EFHD1: variants seen among roughly 807,000 people sequenced by gnomAD.
The protein encoded by EFHD1 is EF-hand domain-containing protein D1.
A neutral mutation model predicts 17.2 loss-of-function variants in EFHD1; 10 were observed. That is an observed-to-expected ratio of 0.58 (90% CI 0.36 to 0.99). The LOEUF (loss-of-function observed/expected upper bound fraction) is 0.99, where lower values mean the gene tolerates loss of function less well. Ranked by LOEUF, EFHD1 falls within the 50% of genes least tolerant of loss-of-function variation. The pLI is 0.01. For missense variants in EFHD1, 310 were observed against 327.5 expected (o/e 0.95, Z 0.41); for synonymous variants, 153 against 142.0 (o/e 1.08, Z -0.55).
chr2:232,652,786 AGAT>A (rs960770779), intron 1 of EFHD1, among the ~76,000 whole-genome samples: 15 of 152,054 alleles, frequency 9.9e-5, no homozygotes, highest in African/African-American at 3.6e-4. Context: ...TAGAATAGTG[AGAT>A]GATGAAGATG....
chr2:232,663,122 G>T (rs1694906340), intron 2 of EFHD1, among the ~76,000 whole-genome samples, 173 bp downstream of exon 2: 1 of 152,130 alleles, frequency 6.6e-6, no homozygotes, highest in South Asian at 2.1e-4. Context: ...CCCAGTGCTG[G>T]CCTGGAAAAA....
intron 1 of EFHD1, among the ~76,000 whole-genome samples, chr2:232,637,285 C>T (rs1356524850): frequency 7.9e-5 from 12 of 151,812 alleles, no homozygotes; most frequent in Admixed American, 7.2e-4. Context: ...GTAATCTCTG[C>T]CACCCTGAGC....
upstream of EFHD1, among the ~76,000 whole-genome samples, chr2:232,629,692 C>G (rs1042712926): frequency 6.6e-6 from 1 of 152,108 alleles, no homozygotes; most frequent in Non-Finnish European, 1.5e-5. Flanking sequence ...TGGTCTCGAA[C>G]TCCTGACCTC....
intron 1 of EFHD1, among the ~76,000 whole-genome samples, chr2:232,624,275 C>G (rs1410441355): frequency 6.6e-6 from 1 of 152,200 alleles, no homozygotes; most frequent in East Asian, 1.9e-4. Context: ...GGGGTGCTCC[C>G]TATCAAGTCC....
At chr2:232,610,112 C>T (rs1693784830) in intron 1 of EFHD1, among the ~76,000 whole-genome samples, 1 of 152,260 alleles carries the variant, frequency 6.6e-6, no homozygotes, top group East Asian at 1.9e-4. Flanking sequence ...CTTGTGGGTT[C>T]TCCAAAGCCC....
At chr2:232,661,080 G>C (rs190654738) in intron 1 of EFHD1, among the ~76,000 whole-genome samples, 1 of 151,848 alleles carries the variant, frequency 6.6e-6, no homozygotes, top group Non-Finnish European at 1.5e-5. Context: ...CCTGAGAGGC[G>C]GAGGTTGCAG....
intron 1 of EFHD1, among the ~76,000 whole-genome samples, chr2:232,647,052 C>T (rs1694543607): frequency 6.6e-6 from 1 of 152,244 alleles, no homozygotes; most frequent in Admixed American, 6.5e-5. Flanking sequence ...AGCCACTGAC[C>T]CACACGGGCA....
intron 1 of EFHD1, among the ~76,000 whole-genome samples, chr2:232,616,942 T>C (rs1422546292): frequency 6.6e-6 from 1 of 152,224 alleles, no homozygotes; most frequent in Non-Finnish European, 1.5e-5. Flanking sequence ...AAGGTTGCCC[T>C]TCTCTTGCAC....
At chr2:232,644,794 ATTTTTTT>A (rs746133158) in intron 1 of EFHD1, among the ~76,000 whole-genome samples, 1 of 123,818 alleles carries the variant, frequency 8.1e-6, no homozygotes, top group Non-Finnish European at 1.7e-5. Context: ...ACCTGGCCTA[ATTTTTTT>A]TTTTTTTTTT....
intron 3 of EFHD1, among the ~76,000 whole-genome samples, chr2:232,680,089 G>A (rs911560819): frequency 9.2e-5 from 14 of 151,990 alleles, no homozygotes; most frequent in Admixed American, 3.3e-4. Context: ...CCCGGGCAAC[G>A]TGGTAAAACC....
rs548659973 is a variant in EFHD1, at chr2:232,623,177, G to A, written c.14+17004G>A. On this transcript the variant is annotated intron_variant, in intron 1 of 3. Coordinates refer to the EFHD1 transcript ENST00000409613. ...TCCTCCTACTTTGGCCTCCCGAGTA[G>A]TTGGGACTACAGGTGTGTGCCACCA... Among the ~76,000 whole-genome samples the A allele has an allele frequency of 5.3e-5, 8 of 152,246 alleles. No individual in the cohort carries two copies. In the South Asian group the frequency reaches 1.7e-3, roughly 32 times the overall value.
At chr2:232,668,123 G>T (rs1346353708) in intron 2 of EFHD1, among the ~76,000 whole-genome samples, 1 of 152,134 alleles carries the variant, frequency 6.6e-6, no homozygotes, top group Non-Finnish European at 1.5e-5. Context: ...TCACAGCTAG[G>T]ACAGTTTCCA....
intron 1 of EFHD1, among the ~76,000 whole-genome samples, chr2:232,615,649 A>G (rs1259767558): frequency 1.3e-5 from 2 of 149,316 alleles, no homozygotes; most frequent in East Asian, 2.0e-4. Context: ...AAAATAGTGT[A>G]GTCGTTTTTA....
At chr2:232,662,603 C>CCT in intron 1 of EFHD1, 199 bp from the exon 2 acceptor site, 1 of 545,730 alleles carries the variant, frequency 1.8e-6, no homozygotes, top group Non-Finnish European at 3.0e-6. Flanking sequence ...ACAGGTAGTA[C>CCT]AAGATCTGCT....
At chr2:232,640,429 G>A (rs948409370) in intron 1 of EFHD1, among the ~76,000 whole-genome samples, 1 of 152,158 alleles carries the variant, frequency 6.6e-6, no homozygotes, top group Non-Finnish European at 1.5e-5. Context: ...CCATATGTCT[G>A]CTAGTGTGTG....
At chr2:232,625,359 T>G (rs962952690) in intron 1 of EFHD1, among the ~76,000 whole-genome samples, 1 of 152,016 alleles carries the variant, frequency 6.6e-6, no homozygotes, top group African/African-American at 2.4e-5. Flanking sequence ...GGACTGGTCT[T>G]GAACTCCTAG....
chr2:232,613,815 TATACACACACAAATATACACAC>T (rs1405882389), intron 1 of EFHD1, among the ~76,000 whole-genome samples: 7 of 87,556 alleles, frequency 8.0e-5, no homozygotes, highest in African/African-American at 2.9e-4. Flanking sequence ...TATACACACA[TATACACACACAAATATACACAC>T]ATACACACAC....
intron 1 of EFHD1, among the ~76,000 whole-genome samples, chr2:232,657,904 T>TC (rs1342147389): frequency 8.1e-5 from 11 of 136,334 alleles, no homozygotes; most frequent in African/African-American, 3.0e-4. Flanking sequence ...CTTTTCTTTT[T>TC]TTTTTTTTTT....
At chr2:232,607,525 C>T (rs1008860297) in intron 1 of EFHD1, among the ~76,000 whole-genome samples, 4 of 150,492 alleles carry the variant, frequency 2.7e-5, no homozygotes, top group African/African-American at 7.4e-5. Context: ...ACCTGGGAGG[C>T]GGAGGCTGCA....
Sources: gnomAD v4.1 joint callset for allele counts (sites outside exome capture counted in the v4.1 genomes callset) on GRCh38, gnomAD v4.1.1 for gene constraint, MANE v1.5 for transcripts, NCBI Gene and HGNC (gene_info 2026-07-23, HGNC 2026-07-21) for gene names.